The following MYLK variants were observed in gnomAD, a reference collection of about 807,000 sequenced individuals.
The protein encoded by MYLK is myosin light chain kinase, also known as myosin light chain kinase, smooth muscle.
MYLK carries 106 observed loss-of-function variants against 203.4 expected under a neutral mutation model. That is an observed-to-expected ratio of 0.52 (90% CI 0.45 to 0.61). The LOEUF is 0.61. Among genes scored for constraint, MYLK ranks in the 20% least tolerant of loss-of-function variants. MYLK has a pLI of 0.00. For missense variants in MYLK, 2,072 were observed against 2,442.3 expected (o/e 0.85, Z 3.20); for synonymous variants, 867 against 959.5 (o/e 0.90, Z 1.78).
At chr3:123,631,396 C>CAAAAA (rs34937543) in intron 29 of MYLK, among the ~76,000 whole-genome samples, 14 of 117,876 alleles carry the variant, frequency 1.2e-4, no homozygotes, top group Non-Finnish European at 2.6e-4. Context: ...AACTCAATCT[C>CAAAAA]AAAAAAAAAA....
At chr3:123,883,370 T>C (rs1172142047) in intron 1 of MYLK, among the ~76,000 whole-genome samples, 1 of 152,090 alleles carries the variant, frequency 6.6e-6, no homozygotes, top group Non-Finnish European at 1.5e-5. Flanking sequence ...CTCTAGACTC[T>C]AGTAGAGCTG....
intron 2 of MYLK, among the ~76,000 whole-genome samples, chr3:123,855,940 A>G (rs1469361436): frequency 6.6e-6 from 1 of 152,168 alleles, no homozygotes; most frequent in East Asian, 1.9e-4. Flanking sequence ...GACTAATATA[A>G]TCTTTTCCAC....
At chr3:123,658,280 G>A (rs772535159) in intron 23 of MYLK, among the ~76,000 whole-genome samples, 10 of 152,194 alleles carry the variant, frequency 6.6e-5, no homozygotes, top group Non-Finnish European at 1.5e-4. Flanking sequence ...ATGAGCTGAG[G>A]ACACAAATAA....
chr3:123,821,178 A>G (rs2065924884), intron 3 of MYLK, among the ~76,000 whole-genome samples: 2 of 152,360 alleles, frequency 1.3e-5, no homozygotes, highest in African/African-American at 2.4e-5. Flanking sequence ...TAAAAAGCCA[A>G]CAAAACTCTT....
rs1576624136 is a variant in MYLK, at chr3:123,700,634, A to C, written c.2834T>G (p.Val945Gly). The part of the protein sequence containing the change: ...PKTVSEEERK[V>G]HSPQQVDFRS... ...AAAATCGACCTGCTGGGGGCTGTGCACCTTCCTCTCTTCCTCAGACACAGT... is the reference window on the plus strand; with the variant it reads ...AAAATCGACCTGCTGGGGGCTGTGCCCCTTCCTCTCTTCCTCAGACACAGT... Residue 945 changes from valine (V) to glycine (G), a missense_variant, in exon 18 of 34, where the codon GTG becomes GGG. Physicochemically the swap from Val to Gly is moderately radical, Grantham distance 109. Around this residue, in one of 3 missense-constraint regions of MYLK, gnomAD observed 865 missense variants for 1,016.0 expected, o/e 0.85. Transcript: ENST00000360304. 6.2e-7 allele frequency: 1 copy of C among 1,613,876 alleles called. No homozygotes were observed. The highest frequency in any genetic ancestry group is 8.5e-7 in the Non-Finnish European group (1 of 1,179,992).
At position 123,732,994 on chromosome 3, in the gene MYLK, C is replaced by G. The variant is rs1469294273; in HGVS notation, c.1418G>C (p.Cys473Ser). Residue 473 changes from cysteine (C) to serine (S), a missense_variant, in exon 11 of 34, where the codon TGC becomes TCC. Physicochemically the swap from Cys to Ser is moderately radical, Grantham distance 112 (BLOSUM62 -1). Around this residue, in one of 3 missense-constraint regions of MYLK, gnomAD observed 683 missense variants for 643.8 expected, o/e 1.06. Coordinates refer to ENST00000360304, the MANE Select transcript of MYLK (RefSeq NM_053025.4). ...GTCCCTGGTCCGGGCTTTCAGCAGG[C>G]AGAGGTAATGGGAGCCAGCATCTTC... is the stretch of plus-strand genomic sequence containing the variant. ...VYEDAGSHYL[C>S]LLKARTRDSG... 1.2e-6 allele frequency: 2 copies of G among 1,614,070 alleles called. No homozygotes were observed. The highest frequency in any genetic ancestry group is 1.7e-6 in the Non-Finnish European group (2 of 1,180,028).
intron 27 of MYLK, among the ~76,000 whole-genome samples, chr3:123,645,360 A>C (rs1486578227): frequency 3.9e-5 from 6 of 152,196 alleles, no homozygotes; most frequent in Non-Finnish European, 8.8e-5. Context: ...CACATACGGA[A>C]AGGAAATACT....
rs780604247 is a variant in MYLK, at chr3:123,700,673, TG to T, written c.2794del (p.Gln932LysfsTer2). On this transcript the variant is annotated frameshift_variant, in exon 18 of 34. Transcript: ENST00000360304. LOFTEE classifies it high-confidence loss of function. ...CTCAGACACAGTCTTTGGCTTCACT[TG>T]CCGCTGCAGGTTGGCACGGAAATCC... ...QMDFRANLQR[Q>X]VKPKTVSEEE... 1 of 1,614,164 alleles carries T rather than the reference TG, an allele frequency of 6.2e-7. No homozygotes were observed. The highest frequency in any genetic ancestry group is 8.5e-7 in the Non-Finnish European group (1 of 1,180,022).
intron 2 of MYLK, among the ~76,000 whole-genome samples, chr3:123,847,916 C>G (rs554021681): frequency 1.3e-5 from 2 of 151,784 alleles, no homozygotes; most frequent in Middle Eastern, 3.4e-3. Flanking sequence ...ACAGCTTTTC[C>G]CCAGTTTCTA....
chr3:123,809,783 G>A (rs2065492861), intron 3 of MYLK, among the ~76,000 whole-genome samples: 1 of 152,162 alleles, frequency 6.6e-6, no homozygotes, highest in African/African-American at 2.4e-5. Flanking sequence ...GCTAAGCCTT[G>A]TATTACAGGA....
chr3:123,666,665 C>T (rs1253320212), intron 21 of MYLK, among the ~76,000 whole-genome samples: 2 of 152,344 alleles, frequency 1.3e-5, no homozygotes, highest in East Asian at 3.9e-4. Flanking sequence ...ATGAATTAAG[C>T]ATCACCTTGC....
rs762538379 is a variant in MYLK at position 123,865,296 on chromosome 3, G to A, written c.-127+11263C>T. On this transcript the variant is annotated intron_variant, in intron 2 of 33. Coordinates refer to ENST00000360304, the MANE Select transcript of MYLK (RefSeq NM_053025.4). ...TAGCTATCATCAAACCAGATTACCA[G>A]TATTCCCTAACATACCATACAACTT... Among the ~76,000 whole-genome samples the A allele has an allele frequency of 1.1e-4, 16 of 152,190 alleles. 1 individual carries two copies. Among genetic ancestry groups the A allele is most frequent in the Non-Finnish European group, 5.9e-5 (4 of 68,022 alleles).
intron 2 of MYLK, among the ~76,000 whole-genome samples, chr3:123,864,439 C>T (rs1247589313): frequency 2.0e-5 from 3 of 152,134 alleles, no homozygotes; most frequent in Admixed American, 6.5e-5. Context: ...TTCCTAATGT[C>T]TGTGACTTAA....
At position 123,741,908 on chromosome 3, in the gene MYLK, C is replaced by T. The variant is rs111870697; in HGVS notation, c.374-1907G>A. On this transcript the variant is annotated intron_variant, in intron 5 of 33. Coordinates refer to ENST00000360304, the MANE Select transcript of MYLK (RefSeq NM_053025.4). ...ACTCCAAATGGGCTATGATCCTCTC[C>T]GCTCCACTGGGCTCCATCCCAGCCA... Among the ~76,000 whole-genome samples the T allele has an allele frequency of 5.1e-3, 784 of 152,270 alleles. 8 individuals are homozygous for T. The highest frequency in any genetic ancestry group is 0.018 in the African/African-American group (745 of 41,558).
chr3:123,626,433 A>G (rs2058151729), intron 31 of MYLK, among the ~76,000 whole-genome samples: 1 of 152,238 alleles, frequency 6.6e-6, no homozygotes, highest in African/African-American at 2.4e-5. Context: ...TTCATCATAA[A>G]GAAATGTGAA....
At position 123,852,933 on chromosome 3, in the gene MYLK, C is replaced by T. The variant is rs74772404; in HGVS notation, c.-126-21263G>A. ...TCTCCAGTCTCCCCATATTTGACAA[C>T]CTTTGAGTAAAATATTCTCAGAGTA... is the stretch of plus-strand genomic sequence containing the variant. On this transcript the variant is annotated intron_variant, in intron 2 of 33. Transcript: ENST00000360304. 5.3e-3 allele frequency among the ~76,000 whole-genome samples: 810 copies of T among 152,168 alleles called. 4 individuals are homozygous for T. Among genetic ancestry groups the T allele is most frequent in the African/African-American group, 0.019 (775 of 41,520 alleles).
intron 4 of MYLK, among the ~76,000 whole-genome samples, chr3:123,774,172 A>G (rs181288791): frequency 7.2e-5 from 11 of 152,352 alleles, no homozygotes; most frequent in Admixed American, 1.3e-4. Flanking sequence ...CCAACCTCAC[A>G]TAATGTTTTC....
At chr3:123,757,522 T>C (rs9825707) in intron 4 of MYLK, among the ~76,000 whole-genome samples, 135,655 of 152,194 alleles carry the variant, frequency 0.89, 62,419 homozygotes, top group East Asian at 1. Flanking sequence ...ACATCAGGGA[T>C]GGAGGAAGAC....
At chr3:123,783,313 C>A (rs917421757) in intron 4 of MYLK, among the ~76,000 whole-genome samples, 20 of 152,280 alleles carry the variant, frequency 1.3e-4, no homozygotes, top group East Asian at 1.9e-4. Flanking sequence ...CAAAGGAAAA[C>A]CTCACCTGTT....
Sources: allele counts gnomAD v4.1 joint callset (sites outside exome capture counted in the v4.1 genomes callset), GRCh38; gene constraint gnomAD v4.1.1; regional missense constraint gnomAD v4.1.1; transcripts MANE v1.5; gene names NCBI Gene and HGNC (gene_info 2026-07-23, HGNC 2026-07-21).